SRFBP1: variants seen among roughly 807,000 people sequenced by gnomAD.
SRFBP1 encodes the protein serum response factor-binding protein 1.
Under a neutral mutation model 45.5 loss-of-function variants are expected in SRFBP1, and 47 were observed. That is an observed-to-expected ratio of 1.03 (90% CI 0.82 to 1.32). The LOEUF (loss-of-function observed/expected upper bound fraction) is 1.32. SRFBP1 is among the 40% of genes most tolerant of loss of function. The probability of loss-of-function intolerance (pLI) is 0.00; values close to 1 mark genes in which losing one functional copy is unlikely to be tolerated. For missense variants in SRFBP1, 621 were observed against 484.6 expected, an observed-to-expected ratio of 1.28 and a Z score of -2.64; for synonymous variants, 203 against 166.3, an observed-to-expected ratio of 1.22 and a Z score of -1.70.
At chr5:122,050,478 A>G (rs1174960280) in intron 2 of SRFBP1, among the ~76,000 whole-genome samples, 3 of 152,092 alleles carry the variant, frequency 2.0e-5, no homozygotes, top group East Asian at 3.9e-4. Flanking sequence ...AGGAGGTTGT[A>G]TGTGTCCAGG....
At chr5:121,997,356 C>T (rs942253591) in intron 4 of SRFBP1, among the ~76,000 whole-genome samples, 11 of 150,386 alleles carry the variant, frequency 7.3e-5, no homozygotes, top group Admixed American at 1.3e-4. Context: ...TCAGAAATAA[C>T]GCCGCATACC....
At chr5:121,998,330 C>G (rs1178213113) in intron 4 of SRFBP1, among the ~76,000 whole-genome samples, 1 of 149,376 alleles carries the variant, frequency 6.7e-6, no homozygotes, top group African/African-American at 2.5e-5. Flanking sequence ...GAATACTATG[C>G]AGCCATAAAA....
downstream of SRFBP1, among the ~76,000 whole-genome samples, chr5:122,032,395 G>A (rs1194575968): frequency 1.7e-4 from 18 of 104,340 alleles, no homozygotes; most frequent in South Asian, 1.9e-3. Flanking sequence ...CCCCATTCCC[G>A]CCCGCCCCCT....
chr5:122,017,928 A>T (rs1753222118), intron 4 of SRFBP1, among the ~76,000 whole-genome samples: 1 of 152,214 alleles, frequency 6.6e-6, no homozygotes, highest in African/African-American at 2.4e-5. Flanking sequence ...ACCAGTCACT[A>T]TTCTAGGCAC....
intron 4 of SRFBP1, among the ~76,000 whole-genome samples, chr5:121,996,934 A>G (rs1488769458): frequency 6.9e-6 from 1 of 145,648 alleles, no homozygotes; most frequent in Non-Finnish European, 1.5e-5. Flanking sequence ...AGAGAATAAA[A>G]TACCTAGGCA....
chr5:121,967,344 A>G (rs1177640689), intron 1 of SRFBP1, among the ~76,000 whole-genome samples: 3 of 152,286 alleles, frequency 2.0e-5, no homozygotes, highest in East Asian at 3.9e-4. Context: ...GCATTTCCGT[A>G]AGAACCAATT....
intron 1 of SRFBP1, among the ~76,000 whole-genome samples, chr5:121,972,002 T>G (rs1038175931): frequency 6.6e-6 from 1 of 151,944 alleles, no homozygotes; most frequent in Non-Finnish European, 1.5e-5. Context: ...TTCTAAAAGC[T>G]TAGTTCTCCA....
At chr5:121,962,199 C>A in intron 1 of SRFBP1, 131 bp downstream of exon 1, 2 of 1,144,432 alleles carry the variant, frequency 1.7e-6, no homozygotes, top group East Asian at 2.4e-5. Context: ...GCGGGTTTCC[C>A]GCAACTTGGA....
chr5:122,024,600 T>A (rs994496899), intron 7 of SRFBP1, among the ~76,000 whole-genome samples: 1 of 152,172 alleles, frequency 6.6e-6, no homozygotes, highest in South Asian at 2.1e-4. Flanking sequence ...TTATTGGCCA[T>A]AACTCAATTA....
At chr5:122,065,844 A>C (rs1754285624) in intron 2 of SRFBP1, 1 of 152,068 alleles carries the variant, frequency 6.6e-6, no homozygotes, top group African/African-American at 2.4e-5. Flanking sequence ...TATCTTTGGC[A>C]AATACTTTAA....
chr5:122,048,907 T>C (rs1342290308), intron 2 of SRFBP1, among the ~76,000 whole-genome samples: 1 of 152,204 alleles, frequency 6.6e-6, no homozygotes, highest in Non-Finnish European at 1.5e-5. Flanking sequence ...TTCATCGTTT[T>C]TTATTGCATC....
chr5:122,035,361 T>C (rs978646898), intron 2 of SRFBP1, among the ~76,000 whole-genome samples: 2 of 152,114 alleles, frequency 1.3e-5, no homozygotes, highest in African/African-American at 4.8e-5. Flanking sequence ...TGTCAGCAGC[T>C]CTCAGGGCTT....
At chr5:122,066,714 T>G (rs367749796) in intron 2 of SRFBP1, 51 of 1,592,792 alleles carry the variant, frequency 3.2e-5, no homozygotes, top group Admixed American at 5.0e-5. Context: ...CAGGCACTGA[T>G]TTATCCATTG....
chr5:122,034,780 A>T (rs1292394722), intron 2 of SRFBP1, among the ~76,000 whole-genome samples: 1 of 152,050 alleles, frequency 6.6e-6, no homozygotes, highest in East Asian at 1.9e-4. Flanking sequence ...TCTTAAAAAA[A>T]AAAAGACTCA....
intron 7 of SRFBP1, among the ~76,000 whole-genome samples, chr5:122,023,998 G>A (rs1753416592): frequency 6.6e-6 from 1 of 152,156 alleles, no homozygotes; most frequent in African/African-American, 2.4e-5. Context: ...CATACATTTA[G>A]TCTTATCTCT....
chr5:122,050,240 A>G (rs566188372), intron 2 of SRFBP1, among the ~76,000 whole-genome samples: 21 of 152,260 alleles, frequency 1.4e-4, no homozygotes, highest in Admixed American at 5.9e-4. Flanking sequence ...TTTTGATATC[A>G]GGATGATCTT....
intron 2 of SRFBP1, among the ~76,000 whole-genome samples, chr5:122,062,151 A>G (rs1267500466): frequency 6.6e-6 from 1 of 151,896 alleles, no homozygotes; most frequent in African/African-American, 2.4e-5. Context: ...GGGAAAGAAC[A>G]TTTCCCATAC....
At chr5:122,039,774 G>C (rs1753745177) in intron 2 of SRFBP1, among the ~76,000 whole-genome samples, 1 of 152,100 alleles carries the variant, frequency 6.6e-6, no homozygotes, top group African/African-American at 2.4e-5. Context: ...GAGATTTAGG[G>C]AGTTTATCTG....
chr5:121,992,090 C>T (rs188869601), intron 3 of SRFBP1, among the ~76,000 whole-genome samples: 7 of 152,108 alleles, frequency 4.6e-5, no homozygotes, highest in South Asian at 4.1e-4. Flanking sequence ...TATCAAATTA[C>T]GACAAATTTA....
Sources: gnomAD v4.1 joint callset for allele counts (sites outside exome capture counted in the v4.1 genomes callset) on GRCh38, gnomAD v4.1.1 for gene constraint, MANE v1.5 for transcripts, NCBI Gene and HGNC (gene_info 2026-07-23, HGNC 2026-07-21) for gene names.